SLC12A8: variants seen among roughly 807,000 people sequenced by gnomAD.
SLC12A8 encodes the protein cation-chloride cotransporter 9.
SLC12A8 carries 69 observed loss-of-function variants against 75.6 expected under a neutral mutation model. That is an observed-to-expected ratio of 0.91 (90% CI 0.75 to 1.11). The LOEUF (loss-of-function observed/expected upper bound fraction) is 1.11. SLC12A8 is among the 50% of genes most tolerant of loss of function. The pLI is 0.00. For missense variants in SLC12A8, 877 were observed against 896.7 expected, an observed-to-expected ratio of 0.98 and a Z score of 0.28; for synonymous variants, 365 against 372.8, an observed-to-expected ratio of 0.98 and a Z score of 0.24.
intron 5 of SLC12A8, among the ~76,000 whole-genome samples, chr3:125,173,452 C>CAAAAAAA (rs61001520): frequency 2.5e-5 from 2 of 79,622 alleles, no homozygotes; most frequent in Non-Finnish European, 4.4e-5. Context: ...ATTCATGAGC[C>CAAAAAAA]AAAAAAAAAA....
In SLC12A8 at chr3:125,110,307, A is replaced by G. The variant is rs371333748; in HGVS notation, c.941T>C (p.Leu314Ser). The G allele has an allele frequency of 3.1e-6, 5 of 1,613,842 alleles. No homozygotes were observed. The change falls in exon 9 of 14, where the codon TTG (leucine) becomes TCG (serine). Residue 314 changes from leucine to serine, a missense_variant. Transcript: ENST00000469902. The part of the protein sequence containing the change: ...KVSLMGFLFL[L>S]GLYISSLASC... ...AGCCAGGGACGAGATGTATAAGCCC[A>G]AAAGGAACAGGAAGCCCATGAGGGA... is the stretch of plus-strand genomic sequence containing the variant.
chr3:125,106,518 C>T (rs1426116580), intron 10 of SLC12A8, among the ~76,000 whole-genome samples: 1 of 152,194 alleles, frequency 6.6e-6, no homozygotes, highest in Non-Finnish European at 1.5e-5. Flanking sequence ...ATTCTCCTGC[C>T]TCAGCCTCAT....
At chr3:125,088,136 C>T (rs746215747) in intron 13 of SLC12A8, 174 bp downstream of exon 13, 27 of 597,008 alleles carry the variant, frequency 4.5e-5, no homozygotes, top group Admixed American at 8.9e-5. Context: ...ATCTGGGGGC[C>T]GAGTGTGGTG....
rs750955346 is a variant in SLC12A8, at chr3:125,110,337, T to C, written c.913-2A>G. On this transcript the variant is annotated splice_acceptor_variant, in intron 8 of 13. Transcript: ENST00000469902. LOFTEE classifies it high-confidence loss of function. ...GAACAGGAAGCCCATGAGGGATACC[T>C]GTGTGAGAAGCGGTTTCATTCGCCA... 14 of 1,610,264 alleles carry C rather than the reference T, an allele frequency of 8.7e-6. No homozygotes were observed. The highest frequency in any genetic ancestry group is 1.7e-5 in the Admixed American group (1 of 59,802).
intron 10 of SLC12A8, among the ~76,000 whole-genome samples, chr3:125,099,499 G>T (rs1028498227): frequency 6.6e-6 from 1 of 152,146 alleles, no homozygotes; most frequent in Admixed American, 6.5e-5. Context: ...TTCATGTGTT[G>T]TATTTAGCAG....
chr3:125,096,329 C>T (rs1938710565), intron 10 of SLC12A8, among the ~76,000 whole-genome samples: 1 of 152,186 alleles, frequency 6.6e-6, no homozygotes, highest in African/African-American at 2.4e-5. Context: ...TATTATTATT[C>T]ATTATACTTA....
chr3:125,200,362 T>C (rs1397142217), intron 2 of SLC12A8, among the ~76,000 whole-genome samples: 6 of 152,092 alleles, frequency 3.9e-5, no homozygotes, highest in Non-Finnish European at 2.9e-5. Flanking sequence ...GGAGGGAGGA[T>C]CATCTGAGCC....
Position 125,083,597 on chromosome 3 carries a change from C to T in SLC12A8, c.*293G>A. ...AATAGCTGGGTGTGGTGGTGCATGC[C>T]TATAATCCCAGCTACTCAGGAGGCT... On this transcript the variant is annotated 3_prime_UTR_variant, in exon 14 of 14. Transcript: ENST00000469902. The T allele has an allele frequency of 3.6e-6, 1 of 275,214 alleles. No homozygotes were observed. Among genetic ancestry groups the T allele is most frequent in the Non-Finnish European group, 7.0e-6 (1 of 142,960 alleles). 17.0% of individuals were successfully genotyped at this position (275,214 alleles called of 1,614,324 possible).
At chr3:125,181,621 A>AAAAAG (rs1579529583) in intron 4 of SLC12A8, among the ~76,000 whole-genome samples, 1 of 147,384 alleles carries the variant, frequency 6.8e-6, no homozygotes, top group Non-Finnish European at 1.5e-5. Flanking sequence ...AAAAAAAAAA[A>AAAAAG]AAAAAAGAAA....
At chr3:125,158,473 G>A (rs770140679) in intron 5 of SLC12A8, among the ~76,000 whole-genome samples, 4 of 152,042 alleles carry the variant, frequency 2.6e-5, no homozygotes, top group Non-Finnish European at 5.9e-5. Flanking sequence ...TGCCCACCTC[G>A]GCCTCCCAAA....
At chr3:125,156,762 T>C (rs1345636974) in intron 5 of SLC12A8, among the ~76,000 whole-genome samples, 1 of 152,220 alleles carries the variant, frequency 6.6e-6, no homozygotes, top group Non-Finnish European at 1.5e-5. Context: ...GACTGGACAA[T>C]TGCAACCACG....
Position 125,151,867 on chromosome 3 carries a change from T to G in SLC12A8, c.623-16085A>C, listed in dbSNP as rs76692837. Among the ~76,000 whole-genome samples the G allele has an allele frequency of 7.3e-3, 1,114 of 152,334 alleles. 10 individuals carry two copies. The highest frequency in any genetic ancestry group is 0.026 in the African/African-American group (1,066 of 41,568). ...TTCCACCTGAAAATTTGGTGTGAATTAAAATTGATGGTGACTTGGAATTGA... is the reference window on the plus strand; with the variant it reads ...TTCCACCTGAAAATTTGGTGTGAATGAAAATTGATGGTGACTTGGAATTGA... On this transcript the variant is annotated intron_variant, in intron 5 of 13. Transcript: ENST00000469902.
In SLC12A8 at chr3:125,207,890, T is replaced by C. The variant is rs571628359; in HGVS notation, c.51+3409A>G. The stretch of plus-strand genomic sequence containing the variant: ...CTTCATCCAATCATCAAATGAGCAT[T>C]TTACTTAGTGCTTGTCATGAGAGAG... On this transcript the variant is annotated intron_variant, in intron 2 of 13. Coordinates refer to ENST00000469902, the MANE Select transcript of SLC12A8 (RefSeq NM_024628.6). Among the ~76,000 whole-genome samples the C allele has an allele frequency of 1.1e-3, 164 of 152,338 alleles. 1 individual carries two copies. The highest frequency in any genetic ancestry group is 3.7e-3 in the African/African-American group (155 of 41,570).
Position 125,108,108 on chromosome 3 carries a change from G to A in SLC12A8, c.1078C>T (p.Pro360Ser). 2.5e-6 allele frequency: 4 copies of A among 1,613,616 alleles called. No homozygotes were observed. The highest frequency in any genetic ancestry group is 3.4e-6 in the Non-Finnish European group (4 of 1,179,668). The change falls in exon 10 of 14, where the codon CCC becomes TCC. Residue 360 changes from proline (P) to serine (S), a missense_variant. Physicochemically the swap from Pro to Ser is moderately conservative, Grantham distance 74. Transcript: ENST00000469902. ...CTGGTCAGGCAGATGGCAGCCACGG[G>A]TGTTTTGTTTGGCCCCTTCTGCAGG... ...LGQGKGPNKT[P>S]VAAICLTSLV... is the part of the protein sequence containing the mutation.
chr3:125,194,015 G>A (rs1420225604), intron 2 of SLC12A8, among the ~76,000 whole-genome samples: 1 of 152,128 alleles, frequency 6.6e-6, no homozygotes, highest in East Asian at 1.9e-4. Flanking sequence ...AGACATAATG[G>A]GCTGGGGAAA....
intron 1 of SLC12A8, among the ~76,000 whole-genome samples, chr3:125,212,137 C>T (rs534702496): frequency 1.3e-5 from 2 of 152,004 alleles, no homozygotes; most frequent in East Asian, 3.9e-4. Flanking sequence ...TAGAGCTGAT[C>T]TTCCTGGGAA....
chr3:125,083,738 G>A lies in SLC12A8; in HGVS notation c.*152C>T. 1.3e-6 allele frequency: 1 copy of A among 797,150 alleles called. No homozygotes were observed. 49.4% of individuals were successfully genotyped at this position (797,150 alleles called of 1,614,324 possible). On this transcript the variant is annotated 3_prime_UTR_variant, in exon 14 of 14. Coordinates refer to ENST00000469902, the MANE Select transcript of SLC12A8 (RefSeq NM_024628.6). ...CTCTGTCTCAAAAAAAAAAAAAAAG[G>A]GAAAAGAAAATGTAGATTTCCATTG...
At chr3:125,152,520 G>A (rs1053368122) in intron 5 of SLC12A8, among the ~76,000 whole-genome samples, 2 of 152,164 alleles carry the variant, frequency 1.3e-5, no homozygotes, top group Non-Finnish European at 2.9e-5. Context: ...GCAGGAAGAA[G>A]TTTAACAGAA....
intron 5 of SLC12A8, among the ~76,000 whole-genome samples, chr3:125,145,544 G>C (rs188458865): frequency 2.7e-3 from 413 of 152,288 alleles, no homozygotes; most frequent in Middle Eastern, 6.8e-3. Context: ...AAAGAAGCCA[G>C]ATGCAAAAGG....
Sources: gnomAD v4.1 joint callset for allele counts (sites outside exome capture counted in the v4.1 genomes callset) on GRCh38, gnomAD v4.1.1 for gene constraint, MANE v1.5 for transcripts, NCBI Gene and HGNC (gene_info 2026-07-23, HGNC 2026-07-21) for gene names.